Variants in CEP104 observed in about 807,000 individuals in gnomAD.
The protein encoded by CEP104 is centrosomal protein of 104 kDa.
CEP104 carries 84 observed loss-of-function variants against 113.3 expected under a neutral mutation model. The observed-to-expected ratio is 0.74, with a 90% confidence interval of 0.62 to 0.89. The LOEUF is 0.89. Ranked by LOEUF, CEP104 falls within the 40% of genes least tolerant of loss-of-function variation. CEP104 has a pLI of 0.00. For synonymous variants in CEP104, 378 were observed against 421.7 expected, an observed-to-expected ratio of 0.90 and a Z score of 1.27; for missense variants, 1,053 against 1,156.6, an observed-to-expected ratio of 0.91 and a Z score of 1.30.
At chr1:3,816,138 G>C in intron 21 of CEP104, 142 bp downstream of exon 21, 1 of 665,518 alleles carries the variant, frequency 1.5e-6, no homozygotes, top group Non-Finnish European at 2.5e-6. Context: ...TAAGGAACCA[G>C]AACATGAAGA....
intron 20 of CEP104, among the ~76,000 whole-genome samples, chr1:3,822,509 G>C (rs1335006316): frequency 6.6e-6 from 1 of 152,210 alleles, no homozygotes; most frequent in East Asian, 1.9e-4. Flanking sequence ...TCCCAAACTG[G>C]GTCCTGAGCA....
chr1:3,837,625 G>T, intron 8 of CEP104, 106 bp from the exon 9 acceptor site: 1 of 949,332 alleles, frequency 1.1e-6, no homozygotes. Context: ...TGCTGGAAGA[G>T]GCTCCTTGGC....
chr1:3,838,169 C>G (rs902599557), intron 8 of CEP104, among the ~76,000 whole-genome samples: 2 of 152,196 alleles, frequency 1.3e-5, no homozygotes, highest in African/African-American at 2.4e-5. Context: ...TCTTGTTTTT[C>G]AGAGGCAGGG....
In CEP104 at chr1:3,836,593, C is replaced by A; in HGVS notation, c.1219G>T (p.Asp407Tyr). 1 of 1,611,062 alleles carries A rather than the reference C, an allele frequency of 6.2e-7. No individual in the cohort carries two copies. Among genetic ancestry groups the A allele is most frequent in the Non-Finnish European group, 8.5e-7 (1 of 1,178,906 alleles). The change falls in exon 10 of 22, where the codon GAT becomes TAT. Residue 407 changes from aspartate to tyrosine, a missense_variant. Coordinates refer to ENST00000378230, the MANE Select transcript of CEP104 (RefSeq NM_014704.4). ...EPEMSNADIS[D>Y]ARRGGMLGEP... ...CCTAACATGCCTCCCCTCCGAGCAT[C>A]GCTGATGTCTGCATTACTCATTTCC...
At position 3,812,141 on chromosome 1, in the gene CEP104, T is replaced by C. The variant is rs1378179503; in HGVS notation, c.*3261A>G. Reference sequence around the variant, plus strand: ...TCTGGGTGAATTAACCCTTAAGCCCTAAAACGACAACAAAAATATATTACT... The same window carrying C: ...TCTGGGTGAATTAACCCTTAAGCCCCAAAACGACAACAAAAATATATTACT... On this transcript the variant is annotated 3_prime_UTR_variant, in exon 22 of 22. Coordinates refer to ENST00000378230, the MANE Select transcript of CEP104 (RefSeq NM_014704.4). 7 of 152,170 alleles carry C rather than the reference T, an allele frequency of 4.6e-5. No homozygotes were observed. Among genetic ancestry groups the C allele is most frequent in the Admixed American group, 1.3e-4 (2 of 15,274 alleles). 9.4% of individuals were successfully genotyped at this position (152,170 alleles called of 1,614,324 possible).
intron 6 of CEP104, chr1:3,843,079 C>T (rs1021981873): frequency 1.4e-5 from 8 of 564,618 alleles, no homozygotes; most frequent in Admixed American, 3.2e-5. Context: ...TGCGACATAA[C>T]GCTCAGCCTA....
intron 15 of CEP104, among the ~76,000 whole-genome samples, chr1:3,827,614 G>C (rs1269157709): frequency 1.3e-5 from 2 of 152,222 alleles, no homozygotes; most frequent in African/African-American, 4.8e-5. Context: ...CAATGTGAGA[G>C]CACTCCATGC....
intron 8 of CEP104, among the ~76,000 whole-genome samples, chr1:3,837,762 A>G (rs899388668): frequency 9.8e-5 from 15 of 152,354 alleles, no homozygotes; most frequent in African/African-American, 3.4e-4. Context: ...CAAAAGTGAC[A>G]TACACATCCA....
At position 3,812,371 on chromosome 1, in the gene CEP104, C is replaced by T. The variant is rs1557650979; in HGVS notation, c.*3031G>A. 2 of 152,026 alleles carry T rather than the reference C, an allele frequency of 1.3e-5. No individual in the cohort carries two copies. The highest frequency in any genetic ancestry group is 2.9e-5 in the Non-Finnish European group (2 of 68,010). The allele number at this position is 152,026 out of a possible 1,614,324, so 9.4% of individuals were successfully genotyped here. A position where few individuals can be genotyped will look rare whatever the true frequency, so the allele number is the denominator to read the frequency against. On this transcript the variant is annotated 3_prime_UTR_variant, in exon 22 of 22. Coordinates refer to ENST00000378230, the MANE Select transcript of CEP104 (RefSeq NM_014704.4). ...AAATATTAAATATTCAGAACATACT[C>T]ATGAGTGAAAATTCAATTAATTAGT...
At chr1:3,847,402 A>G (rs1644526880) in intron 4 of CEP104, 73 bp downstream of exon 4, 2 of 1,380,908 alleles carry the variant, frequency 1.4e-6, no homozygotes, top group African/African-American at 2.9e-5. Flanking sequence ...TGCATCTAAG[A>G]AAAGATACGT....
intron 15 of CEP104, 23 bp downstream of exon 15, chr1:3,829,243 T>C: frequency 2.0e-6 from 3 of 1,496,440 alleles, no homozygotes; most frequent in Non-Finnish European, 1.8e-6. Flanking sequence ...AGCACACAGG[T>C]GAAAGACGTG....
intron 20 of CEP104, 168 bp from the exon 21 acceptor site, chr1:3,816,538 G>A: frequency 1.7e-6 from 1 of 592,770 alleles, no homozygotes; most frequent in African/African-American, 1.9e-5. Flanking sequence ...GATATGTTAT[G>A]ATAGCCTCTG....
chr1:3,847,588 T>C lies in CEP104; in HGVS notation c.313A>G (p.Lys105Glu), dbSNP rs55720731. The change falls in exon 4 of 22, where the codon AAG becomes GAG. Residue 105 changes from lysine to glutamate, a missense_variant. Physicochemically the swap from Lys to Glu is moderately conservative, Grantham distance 56. Coordinates refer to ENST00000378230, the MANE Select transcript of CEP104 (RefSeq NM_014704.4). ...AGTTCCCGGGCTTTGCAACCTGTCT[T>C]TTCATTATCACAGAGAGACACGTAG... is the stretch of plus-strand genomic sequence containing the variant. ...LGYVSLCDNEKTGCKARELKS... is the reference protein window; with the variant it reads ...LGYVSLCDNEETGCKARELKS... The C allele has an allele frequency of 5.6e-5, 90 of 1,614,042 alleles. No individual in the cohort carries two copies. Among genetic ancestry groups the C allele is most frequent in the Non-Finnish European group, 7.2e-5 (85 of 1,180,030 alleles).
chr1:3,841,122 G>C (rs1348871845), intron 6 of CEP104, among the ~76,000 whole-genome samples: 1 of 152,172 alleles, frequency 6.6e-6, no homozygotes, highest in Non-Finnish European at 1.5e-5. Context: ...CCCAGCTGCT[G>C]TATCAACCCC....
intron 4 of CEP104, among the ~76,000 whole-genome samples, chr1:3,847,225 T>C (rs980284073): frequency 6.6e-6 from 1 of 152,082 alleles, no homozygotes; most frequent in Non-Finnish European, 1.5e-5. Flanking sequence ...TTGTACTGAG[T>C]CTCTGAAGCC....
At chr1:3,821,725 A>G (rs1643976715) in intron 20 of CEP104, among the ~76,000 whole-genome samples, 1 of 152,370 alleles carries the variant, frequency 6.6e-6, no homozygotes. Flanking sequence ...TCCTGTTTAC[A>G]GGAAATACAG....
At chr1:3,828,359 G>C (rs1021491583) in intron 15 of CEP104, among the ~76,000 whole-genome samples, 5 of 152,170 alleles carry the variant, frequency 3.3e-5, no homozygotes, top group Admixed American at 3.3e-4. Flanking sequence ...GGGTCTGCCT[G>C]CCTCCTTCCG....
intron 5 of CEP104, 47 bp from the exon 6 acceptor site, chr1:3,845,030 C>A (rs1460508353): frequency 6.9e-7 from 1 of 1,443,418 alleles, no homozygotes; most frequent in Non-Finnish European, 9.8e-7. Flanking sequence ...GAAAGAGGAA[C>A]AACACAAAAC....
In CEP104 at chr1:3,815,337, G is replaced by T. The variant is rs981059088; in HGVS notation, c.*65C>A. 1 of 1,240,130 alleles carries T rather than the reference G, an allele frequency of 8.1e-7. No individual in the cohort carries two copies. The highest frequency in any genetic ancestry group is 1.1e-6 in the Non-Finnish European group (1 of 871,772). The allele number at this position is 1,240,130 out of a possible 1,614,324, so 76.8% of individuals were successfully genotyped here. On this transcript the variant is annotated 3_prime_UTR_variant, in exon 22 of 22. Transcript: ENST00000378230. ...GCCACCAAGGCCAGAGAGTTCTGGA[G>T]AGATGGTGTAGAATCAGGAGACCCG...
Sources: allele counts gnomAD v4.1 joint callset (sites outside exome capture counted in the v4.1 genomes callset), GRCh38; gene constraint gnomAD v4.1.1; transcripts MANE v1.5; gene names NCBI Gene and HGNC (gene_info 2026-07-23, HGNC 2026-07-21).